Variants in SLC8A1 observed in about 807,000 individuals in gnomAD.
SLC8A1 encodes solute carrier family 8 member A1, also known as sodium/calcium exchanger 1.
A neutral mutation model predicts 68.3 loss-of-function variants in SLC8A1; 18 were observed. The ratio of observed to expected loss-of-function variants is 0.26; its 90% CI spans 0.18 to 0.39. The LOEUF (loss-of-function observed/expected upper bound fraction) is 0.39. Ranked by LOEUF, SLC8A1 falls within the 10% of genes least tolerant of loss-of-function variation. The pLI, the probability that SLC8A1 is intolerant of heterozygous loss-of-function variation, is 1.00. For synonymous variants in SLC8A1, 475 were observed against 415.5 expected (o/e 1.14, Z -1.74); for missense variants, 985 against 1,156.7 (o/e 0.85, Z 2.15).
At chr2:40,479,748 A>G (rs1395628512) in intron 1 of SLC8A1, among the ~76,000 whole-genome samples, 1 of 152,204 alleles carries the variant, frequency 6.6e-6, no homozygotes, top group Non-Finnish European at 1.5e-5. Context: ...GTACTTTGGC[A>G]TCTTAACATT....
At chr2:40,435,860 G>T (rs1357665395) in intron 1 of SLC8A1, among the ~76,000 whole-genome samples, 2 of 151,900 alleles carry the variant, frequency 1.3e-5, no homozygotes, top group African/African-American at 2.4e-5. Flanking sequence ...ACTGCAGCCT[G>T]TGCCTTCTGG....
At chr2:40,479,950 G>C (rs1306337699) in intron 1 of SLC8A1, among the ~76,000 whole-genome samples, 2 of 152,146 alleles carry the variant, frequency 1.3e-5, no homozygotes, top group Non-Finnish European at 2.9e-5. Context: ...GCCACAGTCT[G>C]TTGATATAGT....
At chr2:40,464,550 T>C (rs1181700390) in intron 1 of SLC8A1, among the ~76,000 whole-genome samples, 2 of 152,248 alleles carry the variant, frequency 1.3e-5, no homozygotes, top group Non-Finnish European at 2.9e-5. Flanking sequence ...GACTGGCATC[T>C]GTTTCCCAAT....
rs531437778 is a variant in SLC8A1, at chr2:40,403,916, T to C, written c.1808+24557A>G. ...AAAGGAAATAAGTAAAAAGCTTTTTTTCTGAATATTAGTTGTCACTATTTC... is the reference window on the plus strand; with the variant it reads ...AAAGGAAATAAGTAAAAAGCTTTTTCTCTGAATATTAGTTGTCACTATTTC... On this transcript the variant is annotated intron_variant, in intron 2 of 7. Transcript: ENST00000406785. Among the ~76,000 whole-genome samples the C allele has an allele frequency of 1.2e-3, 183 of 152,354 alleles. 1 individual carries two copies. The highest frequency in any genetic ancestry group is 4.3e-3 in the African/African-American group (178 of 41,582).
At chr2:40,228,579 G>C (rs1015076699) in intron 2 of SLC8A1, among the ~76,000 whole-genome samples, 2 of 152,168 alleles carry the variant, frequency 1.3e-5, no homozygotes, top group African/African-American at 2.4e-5. Context: ...TGGCATCACT[G>C]AACTTCATTT....
At chr2:40,342,745 G>T (rs1306701822) in intron 2 of SLC8A1, among the ~76,000 whole-genome samples, 1 of 152,134 alleles carries the variant, frequency 6.6e-6, no homozygotes, top group Non-Finnish European at 1.5e-5. Context: ...ACTTCAAGGT[G>T]CAGTGCCATT....
chr2:40,264,424 A>C (rs1474117733), intron 2 of SLC8A1, among the ~76,000 whole-genome samples: 10 of 152,122 alleles, frequency 6.6e-5, no homozygotes, highest in Non-Finnish European at 1.0e-4. Context: ...GGCACTATTC[A>C]CAATAGCAAA....
chr2:40,410,847 T>A (rs1428905423), intron 2 of SLC8A1, among the ~76,000 whole-genome samples: 1 of 152,098 alleles, frequency 6.6e-6, no homozygotes, highest in Non-Finnish European at 1.5e-5. Flanking sequence ...CTTTGAGAAT[T>A]ATTTTTGCCA....
At chr2:40,265,891 T>C (rs2065298274) in intron 2 of SLC8A1, among the ~76,000 whole-genome samples, 1 of 152,138 alleles carries the variant, frequency 6.6e-6, no homozygotes, top group Non-Finnish European at 1.5e-5. Context: ...CAAGGATATC[T>C]GGACATGCAC....
intron 2 of SLC8A1, among the ~76,000 whole-genome samples, chr2:40,199,164 G>A (rs1659643332): frequency 1.3e-5 from 2 of 151,754 alleles, no homozygotes; most frequent in Admixed American, 6.6e-5. Flanking sequence ...TTTTAGTTGT[G>A]GAATTTAGAG....
At chr2:40,287,619 T>TGTGTGTGTGTGTGTGTGTGC (rs1218621116) in intron 2 of SLC8A1, among the ~76,000 whole-genome samples, 1 of 148,392 alleles carries the variant, frequency 6.7e-6, no homozygotes, top group Non-Finnish European at 1.5e-5. Context: ...TGTGTGTGTG[T>TGTGTGTGTGTGTGTGTGTGC]GCATGCAGGG....
At chr2:40,398,792 C>G (rs1351593700) in intron 2 of SLC8A1, among the ~76,000 whole-genome samples, 1 of 152,104 alleles carries the variant, frequency 6.6e-6, no homozygotes, top group Admixed American at 6.5e-5. Context: ...ATAAACTATG[C>G]TAGGATGACA....
chr2:40,252,768 G>C (rs673689), intron 2 of SLC8A1, among the ~76,000 whole-genome samples: 4,616 of 143,306 alleles, frequency 0.032, 213 homozygotes, highest in African/African-American at 0.11. Context: ...TAATCAGAAG[G>C]TGAATGTTAG....
chr2:40,363,241 A>C (rs2149484668), intron 2 of SLC8A1, among the ~76,000 whole-genome samples: 1 of 152,266 alleles, frequency 6.6e-6, no homozygotes, highest in Non-Finnish European at 1.5e-5. Flanking sequence ...TTTAATTTAA[A>C]GTTAAAGCTC....
chr2:40,161,196 TGTA>T (rs539216597), intron 5 of SLC8A1, among the ~76,000 whole-genome samples: 255 of 152,320 alleles, frequency 1.7e-3, no homozygotes, highest in African/African-American at 5.7e-3. Context: ...TGGTTTCATC[TGTA>T]GTGTTTCGTC....
intron 2 of SLC8A1, among the ~76,000 whole-genome samples, chr2:40,399,362 C>T (rs1687986866): frequency 6.6e-6 from 1 of 151,484 alleles, no homozygotes; most frequent in South Asian, 2.1e-4. Flanking sequence ...ACACTAGGAT[C>T]AGAGAAGTTT....
rs554452227 is a variant in SLC8A1, at chr2:40,192,697, T to C, written c.1809-14842A>G. On this transcript the variant is annotated intron_variant, in intron 2 of 7. Transcript: ENST00000406785. ...ATTATTATGGATTTTCCCCTACATA[T>C]TAACTTGCTGTCTTGGTGTAATATT... Among the ~76,000 whole-genome samples, 22 of 152,298 alleles carry C rather than the reference T, an allele frequency of 1.4e-4. No individual in the cohort carries two copies. In the East Asian group the frequency reaches 4.1e-3, roughly 28 times the overall value.
intron 2 of SLC8A1, among the ~76,000 whole-genome samples, chr2:40,207,325 G>A (rs1460080572): frequency 6.6e-6 from 1 of 151,966 alleles, no homozygotes; most frequent in African/African-American, 2.4e-5. Context: ...CCGAAGCAGT[G>A]TGATTTTATC....
At chr2:40,427,653 G>A (rs1487735936) in intron 2 of SLC8A1, among the ~76,000 whole-genome samples, 1 of 152,044 alleles carries the variant, frequency 6.6e-6, no homozygotes, top group East Asian at 1.9e-4. Context: ...TAACAACTGG[G>A]TACTTCATAT....
Sources: gnomAD v4.1 joint callset for allele counts (sites outside exome capture counted in the v4.1 genomes callset) on GRCh38, gnomAD v4.1.1 for gene constraint, MANE v1.5 for transcripts, NCBI Gene and HGNC (gene_info 2026-07-23, HGNC 2026-07-21) for gene names.